Variants in DLG2 observed in about 807,000 individuals in gnomAD.
DLG2 encodes the protein disks large homolog 2.
DLG2 carries 45 observed loss-of-function variants against 132.5 expected under a neutral mutation model. The ratio of observed to expected loss-of-function variants is 0.34; its 90% CI spans 0.27 to 0.44. DLG2 has a LOEUF of 0.44. Among genes scored for constraint, DLG2 ranks in the 20% least tolerant of loss-of-function variants. The pLI is 1.00. For missense variants in DLG2, 1,045 were observed against 1,196.9 expected, an observed-to-expected ratio of 0.87 and a Z score of 1.87; for synonymous variants, 424 against 419.6, an observed-to-expected ratio of 1.01 and a Z score of -0.13.
At chr11:84,600,143 GGAAA>G (rs1352031668) in intron 6 of DLG2, among the ~76,000 whole-genome samples, 1 of 71,934 alleles carries the variant, frequency 1.4e-5, no homozygotes, top group African/African-American at 5.7e-5. Flanking sequence ...AAAGAAAGAA[GGAAA>G]GAAAGAAAGA....
At chr11:83,515,684 C>T (rs1249761274) in intron 21 of DLG2, among the ~76,000 whole-genome samples, 1 of 152,200 alleles carries the variant, frequency 6.6e-6, no homozygotes, top group Non-Finnish European at 1.5e-5. Context: ...TCCCTCTACA[C>T]ACTGCTTTGA....
chr11:84,607,811 A>G (rs1466312654), intron 6 of DLG2, among the ~76,000 whole-genome samples: 1 of 152,058 alleles, frequency 6.6e-6, no homozygotes, highest in East Asian at 1.9e-4. Flanking sequence ...AAGTAAGGTA[A>G]CCTAATCTCT....
chr11:84,906,089 T>A (rs544894403), intron 6 of DLG2, among the ~76,000 whole-genome samples: 49 of 152,114 alleles, frequency 3.2e-4, no homozygotes, highest in Non-Finnish European at 5.7e-4. Context: ...ATAGCTAGAA[T>A]ATATGATCAG....
intron 3 of DLG2, among the ~76,000 whole-genome samples, chr11:85,487,177 G>A (rs1486670776): frequency 6.6e-6 from 1 of 151,512 alleles, no homozygotes; most frequent in Non-Finnish European, 1.5e-5. Context: ...CCTCCCCCAT[G>A]AAAGCAACTT....
At chr11:85,032,803 G>C (rs931844943) in intron 6 of DLG2, among the ~76,000 whole-genome samples, 2 of 152,340 alleles carry the variant, frequency 1.3e-5, no homozygotes, top group South Asian at 4.1e-4. Context: ...GTGAAAGTCA[G>C]AGGAAGGAAG....
In DLG2 at chr11:84,837,533, C is replaced by G. The variant is rs567769504; in HGVS notation, c.357+274128G>C. Among the ~76,000 whole-genome samples the G allele has an allele frequency of 3.3e-5, 5 of 151,882 alleles. No individual in the cohort carries two copies. In the South Asian group the frequency reaches 1.0e-3, roughly 31 times the overall value. ...AGTAAAAACTGCCCTAAATCTCAACCTGCTTATTTTAGCTCATTTGTAATC... is the reference window on the plus strand; with the variant it reads ...AGTAAAAACTGCCCTAAATCTCAACGTGCTTATTTTAGCTCATTTGTAATC... On this transcript the variant is annotated intron_variant, in intron 6 of 27. Transcript: ENST00000376104.
intron 16 of DLG2, among the ~76,000 whole-genome samples, chr11:83,850,160 G>GTGTGTGTGTGTGTGT (rs1452960432): frequency 4.0e-5 from 5 of 124,302 alleles, no homozygotes; most frequent in Admixed American, 3.2e-4. Context: ...GTGTGTGTGT[G>GTGTGTGTGTGTGTGT]TTTTTTTACT....
intron 3 of DLG2, among the ~76,000 whole-genome samples, chr11:85,399,468 A>G (rs990602720): frequency 2.0e-5 from 3 of 152,246 alleles, no homozygotes; most frequent in African/African-American, 4.8e-5. Flanking sequence ...AGCCCGCATC[A>G]CCAAGTCAAC....
intron 5 of DLG2, among the ~76,000 whole-genome samples, chr11:85,128,443 G>A (rs1290471371): frequency 6.6e-6 from 1 of 152,112 alleles, no homozygotes; most frequent in Non-Finnish European, 1.5e-5. Context: ...AAATGCCTTT[G>A]GGTGCCCATG....
At chr11:84,586,009 G>A (rs1388438935) in intron 6 of DLG2, among the ~76,000 whole-genome samples, 1 of 152,082 alleles carries the variant, frequency 6.6e-6, no homozygotes, top group African/African-American at 2.4e-5. Context: ...AAACTAGCCG[G>A]GCATGATGGT....
At chr11:85,217,097 T>C (rs2082664377) in intron 4 of DLG2, among the ~76,000 whole-genome samples, 3 of 152,102 alleles carry the variant, frequency 2.0e-5, no homozygotes, top group Admixed American at 2.0e-4. Flanking sequence ...CAAAACAATA[T>C]TGTGATATTG....
At chr11:85,596,123 T>C (rs76463349) in intron 3 of DLG2, among the ~76,000 whole-genome samples, 17,962 of 152,040 alleles carry the variant, frequency 0.12, 1,317 homozygotes, top group East Asian at 0.29. Context: ...GGTGCAGTGA[T>C]TGACGCATGT....
chr11:84,402,881 CAAAAAAA>C lies in DLG2; in HGVS notation c.519+131682_519+131688del, dbSNP rs34476380. Among the ~76,000 whole-genome samples the C allele has an allele frequency of 4.1e-5, 3 of 73,914 alleles. No individual in the cohort carries two copies. The East Asian group carries it at 9.0e-4, about 22-fold the overall frequency. The allele number at this position is 73,914 out of a possible 152,430, so 48.5% of individuals were successfully genotyped here. On this transcript the variant is annotated intron_variant, in intron 7 of 27. Coordinates refer to ENST00000376104, the MANE Select transcript of DLG2 (RefSeq NM_001142699.3). ...TGGGCGACAGAGCGAAACTCCGTCT[CAAAAAAA>C]AAAAAAAAAAAAATTAACTCAGAAT...
At chr11:84,424,962 C>A (rs1178835427) in intron 7 of DLG2, among the ~76,000 whole-genome samples, 1 of 152,046 alleles carries the variant, frequency 6.6e-6, no homozygotes, top group East Asian at 1.9e-4. Flanking sequence ...ATTGTTTACA[C>A]TGTTTAAGCA....
At chr11:85,319,951 A>C (rs2080941428) in intron 3 of DLG2, among the ~76,000 whole-genome samples, 1 of 151,876 alleles carries the variant, frequency 6.6e-6, no homozygotes, top group Admixed American at 6.6e-5. Context: ...AAAAAATTGC[A>C]ACATTTTTGG....
chr11:83,759,446 C>T (rs767084770), intron 18 of DLG2, among the ~76,000 whole-genome samples: 102 of 152,194 alleles, frequency 6.7e-4, no homozygotes, highest in Non-Finnish European at 1.1e-3. Flanking sequence ...TGCTTGACCC[C>T]CTTGGGCTTT....
At chr11:83,739,802 T>C (rs976003962) in intron 18 of DLG2, among the ~76,000 whole-genome samples, 1 of 152,026 alleles carries the variant, frequency 6.6e-6, no homozygotes, top group African/African-American at 2.4e-5. Flanking sequence ...TACACCACAG[T>C]ATGGAGTTCC....
chr11:84,923,141 G>T (rs1462173921), intron 6 of DLG2: 4 of 1,613,662 alleles, frequency 2.5e-6, no homozygotes, highest in Non-Finnish European at 3.4e-6. Flanking sequence ...GGAGCATATG[G>T]ACCGGTATTC....
chr11:84,183,066 T>A (rs373285916), intron 8 of DLG2, among the ~76,000 whole-genome samples: 1 of 152,146 alleles, frequency 6.6e-6, no homozygotes, highest in Non-Finnish European at 1.5e-5. Context: ...TGAATAGGCT[T>A]ATATCTATTG....
Sources: gnomAD v4.1 joint callset for allele counts (sites outside exome capture counted in the v4.1 genomes callset) on GRCh38, gnomAD v4.1.1 for gene constraint, MANE v1.5 for transcripts, NCBI Gene and HGNC (gene_info 2026-07-23, HGNC 2026-07-21) for gene names.